The following ATAD2B variants were observed in gnomAD, a reference collection of about 807,000 sequenced individuals.
The protein encoded by ATAD2B is ATPase family AAA domain-containing protein 2B.
ATAD2B carries 40 observed loss-of-function variants against 167.6 expected under a neutral mutation model. That is an observed-to-expected ratio of 0.24 (90% confidence interval 0.19 to 0.31). ATAD2B has a LOEUF of 0.31. Ranked by LOEUF, ATAD2B falls within the 10% of genes least tolerant of loss-of-function variation. The pLI is 1.00. For missense variants in ATAD2B, 1,242 were observed against 1,757.2 expected, an observed-to-expected ratio of 0.71 and a Z score of 5.24; for synonymous variants, 579 against 596.5, an observed-to-expected ratio of 0.97 and a Z score of 0.43.
Position 23,823,443 on chromosome 2 carries a change from C to T in ATAD2B, c.1946G>A (p.Ser649Asn). ...CATTGCATGGTAAAAATCTTGGGCA[C>T]TAAGCACTATTGAGGAAACATCCAG... The part of the protein sequence containing the change: ...LQLDVSSIVL[S>N]AQDFYHAMQN... Residue 649 changes from serine to asparagine, a missense_variant, in exon 16 of 28, where the codon AGT becomes AAT. Physicochemically the swap from Ser to Asn is conservative, Grantham distance 46. Coordinates refer to ENST00000238789, the MANE Select transcript of ATAD2B (RefSeq NM_017552.4). 1 of 1,613,976 alleles carries T rather than the reference C, an allele frequency of 6.2e-7. No individual in the cohort carries two copies. The highest frequency in any genetic ancestry group is 8.5e-7 in the Non-Finnish European group (1 of 1,179,886).
chr2:23,843,312 GAAA>G, intron 13 of ATAD2B, among the ~76,000 whole-genome samples: 1 of 152,242 alleles, frequency 6.6e-6, no homozygotes, highest in African/African-American at 2.4e-5. Context: ...GGTGAAAACA[GAAA>G]AAGACTGAAA....
At chr2:23,918,328 A>G (rs1703378910) in intron 1 of ATAD2B, among the ~76,000 whole-genome samples, 1 of 151,938 alleles carries the variant, frequency 6.6e-6, no homozygotes, top group Non-Finnish European at 1.5e-5. Context: ...CTGTGATTGC[A>G]CTACTGCACT....
rs770561058 is a variant in ATAD2B, at chr2:23,869,612, C to G, written c.1076+51G>C. On this transcript the variant is annotated intron_variant, in intron 9 of 27. Transcript: ENST00000238789. ...AGCAAAGAAAATCACTCAAAAAAAA[C>G]TTATTTTTCCTTTTTTCTACCATGG... is the stretch of plus-strand genomic sequence containing the variant. 4 of 1,327,380 alleles carry G rather than the reference C, an allele frequency of 3.0e-6. No homozygotes were observed. The African/African-American group carries it at 5.8e-5, about 19-fold the overall frequency. 82.2% of individuals were successfully genotyped at this position (1,327,380 alleles called of 1,614,324 possible).
chr2:23,781,357 TAAATAAATAAATAAATA>T (rs1258407267), intron 22 of ATAD2B, among the ~76,000 whole-genome samples: 3 of 150,776 alleles, frequency 2.0e-5, no homozygotes, highest in African/African-American at 7.3e-5. Context: ...AATAAATAAA[TAAATAAATAAATAAATA>T]AATAATCAGG....
intron 24 of ATAD2B, among the ~76,000 whole-genome samples, chr2:23,760,912 CTTATT>C (rs1388590028): frequency 6.6e-6 from 1 of 151,942 alleles, no homozygotes; most frequent in Non-Finnish European, 1.5e-5. Context: ...ATTCAGATTT[CTTATT>C]TAAGTTAATG....
the ATAD2B span, among the ~76,000 whole-genome samples, chr2:23,732,509 G>A: frequency 6.6e-6 from 1 of 152,190 alleles, no homozygotes; most frequent in African/African-American, 2.4e-5. Context: ...TACCTGAGTA[G>A]TGGTTACATC....
chr2:23,787,704 C>A lies in ATAD2B; in HGVS notation c.2776+808G>T, dbSNP rs540514438. On this transcript the variant is annotated intron_variant, in intron 20 of 27. Coordinates refer to ENST00000238789, the MANE Select transcript of ATAD2B (RefSeq NM_017552.4). ...GATGGGAAATGTATTGAGTATCCTA[C>A]AAGAAGGGCTCTAAGAAACATAAAA... Among the ~76,000 whole-genome samples, 10 of 151,948 alleles carry A rather than the reference C, an allele frequency of 6.6e-5. No individual in the cohort carries two copies. The East Asian group carries it at 1.9e-3, about 29-fold the overall frequency.
chr2:23,710,441 A>C, the ATAD2B span, among the ~76,000 whole-genome samples: 4 of 152,230 alleles, frequency 2.6e-5, no homozygotes, highest in Non-Finnish European at 4.4e-5. Flanking sequence ...CCAACTGCTC[A>C]TGAGGAGCCG....
At chr2:23,838,314 T>G (rs1423881778) in intron 13 of ATAD2B, among the ~76,000 whole-genome samples, 2 of 152,336 alleles carry the variant, frequency 1.3e-5, no homozygotes, top group East Asian at 1.9e-4. Context: ...AATTACAGAT[T>G]GTCATTTCAA....
chr2:23,849,570 G>T (rs1002547704), intron 13 of ATAD2B, among the ~76,000 whole-genome samples: 1 of 152,162 alleles, frequency 6.6e-6, no homozygotes, highest in African/African-American at 2.4e-5. Context: ...AGTGGCTCAC[G>T]CCTGTAATCC....
At chr2:23,695,356 G>A in the ATAD2B span, among the ~76,000 whole-genome samples, 1 of 152,050 alleles carries the variant, frequency 6.6e-6, no homozygotes, top group Non-Finnish European at 1.5e-5. This position sits in a 1 kb window ranked among gnomAD's most constrained non-coding sequence, Gnocchi z 7.6. Context: ...GGGTGCTGGG[G>A]GGATGAACAC....
At chr2:23,701,198 A>C in the ATAD2B span, among the ~76,000 whole-genome samples, 7 of 10,782 alleles carry the variant, frequency 6.5e-4, no homozygotes, top group Admixed American at 1.8e-3. Flanking sequence ...AACTATCTCA[A>C]TGAGCAAACA....
chr2:23,739,718 A>G, the ATAD2B span, among the ~76,000 whole-genome samples: 2 of 152,226 alleles, frequency 1.3e-5, no homozygotes, highest in African/African-American at 4.8e-5. Context: ...AACTGAAGGA[A>G]ACAGAGACAC....
At chr2:23,727,753 G>A in the ATAD2B span, among the ~76,000 whole-genome samples, 1 of 152,158 alleles carries the variant, frequency 6.6e-6, no homozygotes, top group Non-Finnish European at 1.5e-5. Flanking sequence ...GAGCTATCAA[G>A]CCACAAAAAG....
intron 1 of ATAD2B, among the ~76,000 whole-genome samples, chr2:23,922,060 A>G (rs962409192): frequency 2.0e-5 from 3 of 152,216 alleles, no homozygotes; most frequent in African/African-American, 7.2e-5. Flanking sequence ...AAATAAAAAT[A>G]AAGTAATACA....
chr2:23,795,578 G>C (rs1248636642), intron 19 of ATAD2B, among the ~76,000 whole-genome samples: 1 of 152,038 alleles, frequency 6.6e-6, no homozygotes, highest in Non-Finnish European at 1.5e-5. Flanking sequence ...ATCTTAGTTT[G>C]TGACCTAAAG....
At chr2:23,721,307 C>G in the ATAD2B span, among the ~76,000 whole-genome samples, 1 of 152,236 alleles carries the variant, frequency 6.6e-6, no homozygotes, top group Non-Finnish European at 1.5e-5. Flanking sequence ...GCATGACAAG[C>G]AGCTCCACGG....
At chr2:23,806,505 G>C (rs2339920) in intron 18 of ATAD2B, among the ~76,000 whole-genome samples, 146,354 of 152,298 alleles carry the variant, frequency 0.96, 70,318 homozygotes, top group East Asian at 0.99. Context: ...TTGGTAGGGC[G>C]CCCTAATGAC....
At chr2:23,714,676 G>A in the ATAD2B span, among the ~76,000 whole-genome samples, 16 of 151,710 alleles carry the variant, frequency 1.1e-4, no homozygotes, top group African/African-American at 3.4e-4. Flanking sequence ...CCAACATGGT[G>A]AAACCCTGTC....
Sources: allele counts gnomAD v4.1 joint callset (sites outside exome capture counted in the v4.1 genomes callset), GRCh38; gene constraint gnomAD v4.1.1; non-coding constraint Gnocchi (gnomAD v3.1); transcripts MANE v1.5; gene names NCBI Gene and HGNC (gene_info 2026-07-23, HGNC 2026-07-21).